Variants in PLCZ1 observed in about 807,000 individuals in gnomAD.
PLCZ1 encodes the protein 1-phosphatidylinositol 4,5-bisphosphate phosphodiesterase zeta-1.
PLCZ1 carries 64 observed loss-of-function variants against 76.8 expected under a neutral mutation model. The ratio of observed to expected loss-of-function variants is 0.83; its 90% CI spans 0.68 to 1.03. PLCZ1 has a LOEUF of 1.03. PLCZ1 is among the 50% of genes least tolerant of loss of function. PLCZ1 has a pLI of 0.00. For synonymous variants in PLCZ1, 248 were observed against 230.8 expected, an observed-to-expected ratio of 1.07 and a Z score of -0.68; for missense variants, 751 against 713.7, an observed-to-expected ratio of 1.05 and a Z score of -0.60.
chr12:18,667,520 G>C, the PLCZ1 span, among the ~76,000 whole-genome samples: 2 of 152,030 alleles, frequency 1.3e-5, no homozygotes, highest in Admixed American at 1.3e-4. Context: ...CTAGAGTTTG[G>C]CTTGTTTTTA....
chr12:18,658,593 A>C, the PLCZ1 span, among the ~76,000 whole-genome samples: 1 of 152,128 alleles, frequency 6.6e-6, no homozygotes, highest in Non-Finnish European at 1.5e-5. Context: ...TATTTTTGAA[A>C]AATAAAGGAG....
chr12:18,664,071 C>T, the PLCZ1 span, among the ~76,000 whole-genome samples: 3 of 152,086 alleles, frequency 2.0e-5, no homozygotes, highest in Non-Finnish European at 4.4e-5. Flanking sequence ...ATTAGGATGG[C>T]TACTATCAAA....
the PLCZ1 span, among the ~76,000 whole-genome samples, chr12:18,661,651 G>A: frequency 1.3e-5 from 2 of 152,032 alleles, no homozygotes; most frequent in Non-Finnish European, 2.9e-5. Context: ...AAAATAACAT[G>A]CTGGTGAGGC....
At chr12:18,650,343 ATATATG>A in the PLCZ1 span, among the ~76,000 whole-genome samples, 33 of 131,600 alleles carry the variant, frequency 2.5e-4, no homozygotes, top group Admixed American at 3.7e-4. Flanking sequence ...ATATATATAT[ATATATG>A]TGTGTGTGTG....
At chr12:18,730,360 C>T (rs1042372607) in intron 3 of PLCZ1, among the ~76,000 whole-genome samples, 1 of 152,094 alleles carries the variant, frequency 6.6e-6, no homozygotes, top group African/African-American at 2.4e-5. Context: ...ACTTAATCAA[C>T]ATTTTAATGC....
At chr12:18,733,931 T>C (rs1265731613) in intron 3 of PLCZ1, among the ~76,000 whole-genome samples, 2 of 152,180 alleles carry the variant, frequency 1.3e-5, no homozygotes, top group Admixed American at 1.3e-4. Context: ...TTTTTTAAGA[T>C]TGGTTTTGGT....
At chr12:18,699,465 C>G (rs563706260) in intron 10 of PLCZ1, among the ~76,000 whole-genome samples, 1 of 152,226 alleles carries the variant, frequency 6.6e-6, no homozygotes, top group South Asian at 2.1e-4. Context: ...AAAGTTCAAG[C>G]CTTCTAATTC....
At chr12:18,688,340 T>C in intron 12 of PLCZ1, 122 bp from the exon 13 acceptor site, 1 of 999,660 alleles carries the variant, frequency 1.0e-6, no homozygotes, top group South Asian at 1.8e-5. Flanking sequence ...CCACAAACAT[T>C]GAAAGTGGAA....
the PLCZ1 span, among the ~76,000 whole-genome samples, chr12:18,661,440 C>A: frequency 6.6e-6 from 1 of 152,010 alleles, no homozygotes; most frequent in African/African-American, 2.4e-5. Context: ...AAGGCCTTTT[C>A]GTAGGATTAT....
At chr12:18,656,626 C>T in the PLCZ1 span, among the ~76,000 whole-genome samples, 1 of 152,148 alleles carries the variant, frequency 6.6e-6, no homozygotes, top group African/African-American at 2.4e-5. Context: ...GTCCCAGCTA[C>T]TTGGGAAGCT....
chr12:18,650,058 C>G, the PLCZ1 span, among the ~76,000 whole-genome samples: 1 of 151,992 alleles, frequency 6.6e-6, no homozygotes, highest in Admixed American at 6.6e-5. Flanking sequence ...TTTTATAACT[C>G]CAGCCCAGAA....
the PLCZ1 span, among the ~76,000 whole-genome samples, chr12:18,676,087 C>T: frequency 6.6e-6 from 1 of 152,100 alleles, no homozygotes; most frequent in South Asian, 2.1e-4. Context: ...CTTTCTCATT[C>T]TTCCTGCTTT....
In PLCZ1 at chr12:18,683,344, T is replaced by G. The variant is rs751746082; in HGVS notation, c.1742-20A>C. On this transcript the variant is annotated intron_variant, in intron 14 of 14. Transcript: ENST00000266505. ...GATAACCTGCAAAAGGAATTATATCTAATTAGACCAATAACCAATTAATCA... is the reference window on the plus strand; with the variant it reads ...GATAACCTGCAAAAGGAATTATATCGAATTAGACCAATAACCAATTAATCA... 2.5e-6 allele frequency: 4 copies of G among 1,607,786 alleles called. No homozygotes were observed. Among genetic ancestry groups the G allele is most frequent in the Non-Finnish European group, 3.4e-6 (4 of 1,174,894 alleles).
intron 9 of PLCZ1, 131 bp downstream of exon 9, chr12:18,701,370 A>G (rs1352865953): frequency 2.0e-6 from 3 of 1,476,836 alleles, no homozygotes; most frequent in Non-Finnish European, 2.7e-6. Context: ...TTCAAAGTAA[A>G]TTGTAAATGA....
chr12:18,682,899 C>T (rs1952560553), downstream of PLCZ1, among the ~76,000 whole-genome samples: 1 of 151,938 alleles, frequency 6.6e-6, no homozygotes, highest in Admixed American at 6.6e-5. Flanking sequence ...TTTTATACTG[C>T]TAAATATTTG....
the PLCZ1 span, chr12:18,648,047 G>T: frequency 2.7e-6 from 4 of 1,503,632 alleles, no homozygotes; most frequent in Non-Finnish European, 3.6e-6. Context: ...ATGAACATAT[G>T]CATTATTCAT....
Position 18,723,428 on chromosome 12 carries a change from G to C in PLCZ1, c.250C>G (p.Arg84Gly), listed in dbSNP as rs983663409. 1 of 1,612,746 alleles carries C rather than the reference G, an allele frequency of 6.2e-7. No homozygotes were observed. The highest frequency in any genetic ancestry group is 2.2e-5 in the East Asian group (1 of 44,750). ...AGATTACTTGCTAAAAGAATTTTCC[G>C]GTTTTCAGAATATGTGTTGAAAATC... ...IEIFNTYSEN[R>G]KILLASNLAQ... Residue 84 changes from arginine (R) to glycine (G), a missense_variant, in exon 4 of 15, where the codon CGG becomes GGG. Transcript: ENST00000266505.
At chr12:18,696,812 T>C (rs1955125482) in intron 10 of PLCZ1, among the ~76,000 whole-genome samples, 1 of 152,090 alleles carries the variant, frequency 6.6e-6, no homozygotes, top group African/African-American at 2.4e-5. Context: ...CACTCCAGCA[T>C]CTTCCCCCAA....
At chr12:18,685,879 T>A (rs1953068039) in intron 13 of PLCZ1, among the ~76,000 whole-genome samples, 1 of 138,980 alleles carries the variant, frequency 7.2e-6, no homozygotes, top group African/African-American at 2.5e-5. Flanking sequence ...CATACAATAA[T>A]ATGGATTAAT....
Sources: allele counts gnomAD v4.1 joint callset (sites outside exome capture counted in the v4.1 genomes callset), GRCh38; gene constraint gnomAD v4.1.1; transcripts MANE v1.5; gene names NCBI Gene and HGNC (gene_info 2026-07-23, HGNC 2026-07-21).